Variants in WWOX observed in about 807,000 individuals in gnomAD.
WWOX encodes the protein WW domain-containing oxidoreductase.
Under a neutral mutation model 46.2 loss-of-function variants are expected in WWOX, and 69 were observed. That is an observed-to-expected ratio of 1.49 (90% CI 1.23 to 1.82). The LOEUF is 1.82. WWOX is among the 40% of genes most tolerant of loss of function. The pLI, the probability that WWOX is intolerant of heterozygous loss-of-function variation, is 0.00. For missense variants in WWOX, 919 were observed against 542.6 expected (o/e 1.69, Z -6.89); for synonymous variants, 359 against 202.6 (o/e 1.77, Z -6.56).
intron 8 of WWOX, among the ~76,000 whole-genome samples, chr16:78,767,770 T>C (rs1253741134): frequency 2.0e-5 from 3 of 152,164 alleles, no homozygotes; most frequent in African/African-American, 7.2e-5. Context: ...GAGTGAAGTG[T>C]TACCTCCCTG....
intron 5 of WWOX, among the ~76,000 whole-genome samples, chr16:78,341,486 G>A (rs2081013946): frequency 8.3e-6 from 1 of 120,408 alleles, no homozygotes; most frequent in Admixed American, 8.1e-5. Flanking sequence ...TTAGACGTGA[G>A]TATTATGTTT....
intron 8 of WWOX, among the ~76,000 whole-genome samples, chr16:78,512,926 G>T (rs995694859): frequency 6.6e-6 from 1 of 152,178 alleles, no homozygotes; most frequent in Non-Finnish European, 1.5e-5. Flanking sequence ...GCAGTCCCAG[G>T]CAGGAAGGCC....
chr16:78,928,944 G>A (rs555698725), intron 8 of WWOX, among the ~76,000 whole-genome samples: 5 of 152,266 alleles, frequency 3.3e-5, no homozygotes, highest in East Asian at 1.9e-4. Flanking sequence ...CCTTTAAGTT[G>A]AGATGCTTGT....
At chr16:78,549,002 A>G (rs1399099771) in intron 8 of WWOX, among the ~76,000 whole-genome samples, 3 of 152,216 alleles carry the variant, frequency 2.0e-5, no homozygotes, top group African/African-American at 7.2e-5. Flanking sequence ...AATATAATTC[A>G]TGCTTTTAAA....
intron 8 of WWOX, among the ~76,000 whole-genome samples, chr16:78,522,299 A>G (rs1327800458): frequency 6.6e-6 from 1 of 152,134 alleles, no homozygotes; most frequent in African/African-American, 2.4e-5. Flanking sequence ...TCAAGACACC[A>G]TTTTGCTTAA....
At chr16:79,183,531 C>T (rs1230479653) in intron 8 of WWOX, among the ~76,000 whole-genome samples, 5 of 152,286 alleles carry the variant, frequency 3.3e-5, no homozygotes, top group African/African-American at 9.6e-5. Flanking sequence ...TGGCATCCAA[C>T]CATAATCATT....
chr16:78,423,148 G>C (rs1466453667), intron 6 of WWOX, among the ~76,000 whole-genome samples: 1 of 152,038 alleles, frequency 6.6e-6, no homozygotes, highest in East Asian at 1.9e-4. Flanking sequence ...GCCTCCCAAA[G>C]TGCTGAGATT....
chr16:78,981,320 T>G (rs1038631096), intron 8 of WWOX, among the ~76,000 whole-genome samples: 1 of 151,078 alleles, frequency 6.6e-6, no homozygotes, highest in Non-Finnish European at 1.5e-5. Flanking sequence ...CCAAAAATGC[T>G]GGGTGGGGGG....
At chr16:78,564,320 T>G (rs547234575) in intron 8 of WWOX, among the ~76,000 whole-genome samples, 1 of 152,342 alleles carries the variant, frequency 6.6e-6, no homozygotes, top group Non-Finnish European at 1.5e-5. Flanking sequence ...GCCCTTTTCC[T>G]CAGCTGTAGG....
At chr16:78,546,568 A>G (rs142588573) in intron 8 of WWOX, among the ~76,000 whole-genome samples, 20 of 152,242 alleles carry the variant, frequency 1.3e-4, no homozygotes, top group African/African-American at 4.6e-4. Context: ...GAAATAATTA[A>G]TTCTCAAAAC....
chr16:79,062,663 A>G (rs1022460705), intron 8 of WWOX, among the ~76,000 whole-genome samples: 1 of 152,202 alleles, frequency 6.6e-6, no homozygotes, highest in African/African-American at 2.4e-5. Context: ...CCTGAAAATA[A>G]GAAGTGACAG....
At chr16:79,158,525 G>C (rs2050425422) in intron 8 of WWOX, among the ~76,000 whole-genome samples, 1 of 152,068 alleles carries the variant, frequency 6.6e-6, no homozygotes, top group Admixed American at 6.5e-5. Flanking sequence ...GTCAGCAGGG[G>C]CTTGCTTAAT....
chr16:78,804,094 C>G (rs1463443532), intron 8 of WWOX, among the ~76,000 whole-genome samples: 1 of 152,250 alleles, frequency 6.6e-6, no homozygotes, highest in South Asian at 2.1e-4. Flanking sequence ...AAGTTTGACC[C>G]CGCCGCAGTG....
intron 8 of WWOX, among the ~76,000 whole-genome samples, chr16:78,848,941 T>G (rs1324233811): frequency 6.6e-6 from 1 of 152,208 alleles, no homozygotes; most frequent in Non-Finnish European, 1.5e-5. Flanking sequence ...GTTGTGATCA[T>G]ATTTCTATTT....
At chr16:78,781,939 C>T (rs766956929) in intron 8 of WWOX, among the ~76,000 whole-genome samples, 1 of 152,134 alleles carries the variant, frequency 6.6e-6, no homozygotes, top group Non-Finnish European at 1.5e-5. Flanking sequence ...AAATAAATAA[C>T]ATTATTCTCT....
At chr16:78,653,395 C>T (rs965131622) in intron 8 of WWOX, among the ~76,000 whole-genome samples, 1 of 152,116 alleles carries the variant, frequency 6.6e-6, no homozygotes, top group Non-Finnish European at 1.5e-5. Context: ...TAGATGACTC[C>T]CCAAAATCCT....
chr16:78,181,489 A>C (rs2035531084), intron 5 of WWOX, among the ~76,000 whole-genome samples: 1 of 152,202 alleles, frequency 6.6e-6, no homozygotes, highest in Non-Finnish European at 1.5e-5. Flanking sequence ...TGATTGTTCC[A>C]ATTCGTGGCT....
intron 8 of WWOX, among the ~76,000 whole-genome samples, chr16:78,467,165 T>G (rs2084100057): frequency 6.6e-6 from 1 of 152,206 alleles, no homozygotes; most frequent in Non-Finnish European, 1.5e-5. Flanking sequence ...ATTTTCCTTC[T>G]TTTTAAAAAA....
intron 8 of WWOX, among the ~76,000 whole-genome samples, chr16:79,112,661 G>A (rs1301041595): frequency 1.3e-5 from 2 of 152,184 alleles, no homozygotes; most frequent in South Asian, 4.1e-4. Flanking sequence ...TCGCATGAAT[G>A]TTTGCACATC....
Sources: gnomAD v4.1 joint callset for allele counts (sites outside exome capture counted in the v4.1 genomes callset) on GRCh38, gnomAD v4.1.1 for gene constraint, MANE v1.5 for transcripts, NCBI Gene and HGNC (gene_info 2026-07-23, HGNC 2026-07-21) for gene names.